Variants in PXDNL observed in about 807,000 individuals in gnomAD.
PXDNL encodes the protein probable oxidoreductase PXDNL.
In PXDNL, 145 loss-of-function variants were observed where a neutral mutation model predicts 150.8. That is an observed-to-expected ratio of 0.96 (90% confidence interval 0.84 to 1.10). The LOEUF (loss-of-function observed/expected upper bound fraction) is 1.10, where lower values mean the gene tolerates loss of function less well. Ranked by LOEUF, PXDNL falls within the 50% of genes least tolerant of loss-of-function variation. The pLI is 0.00. For synonymous variants in PXDNL, 757 were observed against 725.7 expected (o/e 1.04, Z -0.69); for missense variants, 2,087 against 1,873.9 (o/e 1.11, Z -2.10).
In PXDNL at chr8:51,409,206, C is replaced by T. The variant is rs1808546212; in HGVS notation, c.2418G>A (p.Trp806Ter). 6.3e-7 allele frequency: 1 copy of T among 1,584,214 alleles called. No homozygotes were observed. Among genetic ancestry groups the T allele is most frequent in the Non-Finnish European group, 8.5e-7 (1 of 1,170,354 alleles). The change falls in exon 17 of 23, where the codon TGG becomes TGA. Residue 806 changes from tryptophan to a stop codon, truncating the protein, a stop_gained. Transcript: ENST00000356297. LOFTEE classifies it high-confidence loss of function. ...CCAAGTCGTGCTCTAGAAACCAGCCCCAGTGCATGAGCATGCGCGTGTAGC... is the reference window on the plus strand; with the variant it reads ...CCAAGTCGTGCTCTAGAAACCAGCCTCAGTGCATGAGCATGCGCGTGTAGC... ...DHSYTRMLMH[W>*]GWFLEHDLDH...
At chr8:51,706,278 C>T (rs188975465) in intron 1 of PXDNL, among the ~76,000 whole-genome samples, 158 of 152,156 alleles carry the variant, frequency 1.0e-3, no homozygotes, top group African/African-American at 3.7e-3. Context: ...TGAGATCGTG[C>T]CACTGCACTC....
chr8:51,537,249 GC>G (rs377738209), intron 4 of PXDNL, among the ~76,000 whole-genome samples: 3 of 152,138 alleles, frequency 2.0e-5, no homozygotes, highest in African/African-American at 4.8e-5. Context: ...GGCAGGCAGT[GC>G]CCAGGTGATT....
chr8:51,451,622 G>A (rs979501829), intron 10 of PXDNL, among the ~76,000 whole-genome samples: 2 of 152,110 alleles, frequency 1.3e-5, no homozygotes, highest in African/African-American at 2.4e-5. Context: ...TCCACACTGT[G>A]ATTCATATCT....
At chr8:51,410,936 A>G (rs1225285965) in intron 16 of PXDNL, among the ~76,000 whole-genome samples, 1 of 152,196 alleles carries the variant, frequency 6.6e-6, no homozygotes, top group Non-Finnish European at 1.5e-5. Context: ...CCCTGGTAAT[A>G]AAGCATTTCT....
rs1815906039 is a variant in PXDNL at position 51,687,631 on chromosome 8, C to A, written c.165-32871G>T. Among the ~76,000 whole-genome samples, 3 of 152,212 alleles carry A rather than the reference C, an allele frequency of 2.0e-5. No homozygotes were observed. In the South Asian group the frequency reaches 6.2e-4, roughly 31 times the overall value. The stretch of plus-strand genomic sequence containing the variant: ...ACCCAACAGTTTTATTGGGTTCTTT[C>A]TGTGTGGCAGGCCAAGTGTAATCAC... On this transcript the variant is annotated intron_variant, in intron 1 of 22. Coordinates refer to ENST00000356297, the MANE Select transcript of PXDNL (RefSeq NM_144651.5).
At chr8:51,570,832 T>C (rs1289812410) in intron 3 of PXDNL, among the ~76,000 whole-genome samples, 1 of 151,886 alleles carries the variant, frequency 6.6e-6, no homozygotes, top group African/African-American at 2.4e-5. Context: ...TTCTTACTCA[T>C]AATTCAATAC....
chr8:51,626,867 G>A (rs570674341), intron 2 of PXDNL, among the ~76,000 whole-genome samples: 32 of 152,156 alleles, frequency 2.1e-4, no homozygotes, highest in Non-Finnish European at 3.5e-4. Context: ...GTGAGTGATG[G>A]CAGAAAGAAT....
At chr8:51,412,137 G>A (rs1411363216) in intron 15 of PXDNL, among the ~76,000 whole-genome samples, 2 of 152,152 alleles carry the variant, frequency 1.3e-5, no homozygotes, top group Non-Finnish European at 2.9e-5. Context: ...TAAAAGCACT[G>A]AGAATGTGAA....
At chr8:51,435,848 G>A (rs1809391747) in intron 12 of PXDNL, 3 of 456,674 alleles carry the variant, frequency 6.6e-6, no homozygotes, top group East Asian at 5.9e-5. Context: ...TGCAGGACTT[G>A]AGAATGTTGA....
chr8:51,496,511 G>C (rs966125619), intron 5 of PXDNL, among the ~76,000 whole-genome samples: 1 of 152,166 alleles, frequency 6.6e-6, no homozygotes, highest in African/African-American at 2.4e-5. Flanking sequence ...CAGATGACAT[G>C]ATTGTATATT....
At position 51,477,983 on chromosome 8, in the gene PXDNL, T is replaced by C. The variant is rs72638034; in HGVS notation, c.525-2842A>G. Among the ~76,000 whole-genome samples, 1,056 of 152,300 alleles carry C rather than the reference T, an allele frequency of 6.9e-3. 8 individuals are homozygous for C. Among genetic ancestry groups the C allele is most frequent in the Non-Finnish European group, 8.8e-3 (600 of 68,028 alleles). On this transcript the variant is annotated intron_variant, in intron 6 of 22. Coordinates refer to ENST00000356297, the MANE Select transcript of PXDNL (RefSeq NM_144651.5). ...CACTTGCCAGTCGAAAAACTCCTTT[T>C]ATGTTCAGAAAATAAAAGTATACTT...
At chr8:51,386,097 C>CT (rs372663749) in intron 17 of PXDNL, among the ~76,000 whole-genome samples, 17,724 of 146,374 alleles carry the variant, frequency 0.12, 1,300 homozygotes, top group Middle Eastern at 0.25. Flanking sequence ...GTGATTCATT[C>CT]TTTTTTTTTT....
chr8:51,807,312 C>T (rs531591102), intron 1 of PXDNL, among the ~76,000 whole-genome samples: 127 of 151,530 alleles, frequency 8.4e-4, no homozygotes, highest in African/African-American at 1.7e-3. Flanking sequence ...GGAAGAGAGA[C>T]GCAAGAAGAG....
At chr8:51,803,213 T>C (rs1053248092) in intron 1 of PXDNL, among the ~76,000 whole-genome samples, 55 of 152,302 alleles carry the variant, frequency 3.6e-4, no homozygotes, top group African/African-American at 1.3e-3. Flanking sequence ...AGGAGGTCTG[T>C]GTCCTGACTG....
rs529483357 is a variant in PXDNL at position 51,585,857 on chromosome 8, C to T, written c.308+6770G>A. Among the ~76,000 whole-genome samples the T allele has an allele frequency of 2.8e-3, 432 of 151,920 alleles. 3 individuals are homozygous for T. Among genetic ancestry groups the T allele is most frequent in the African/African-American group, 9.9e-3 (409 of 41,262 alleles). On this transcript the variant is annotated intron_variant, in intron 3 of 22. Transcript: ENST00000356297. ...TCCTTCCATCAAGACCAACCTGCCA[C>T]CCACCCCTTGTGGCTCTCCAGATAG...
chr8:51,717,148 T>G (rs1353910976), intron 1 of PXDNL, among the ~76,000 whole-genome samples: 1 of 152,178 alleles, frequency 6.6e-6, no homozygotes, highest in Non-Finnish European at 1.5e-5. Context: ...TCTTTACCAG[T>G]GGGAATGAGA....
chr8:51,586,639 C>CT (rs1158351243), intron 3 of PXDNL, among the ~76,000 whole-genome samples: 3 of 152,224 alleles, frequency 2.0e-5, no homozygotes, highest in African/African-American at 7.2e-5. Context: ...CAAAAAAAAT[C>CT]TTTTTATCTA....
intron 1 of PXDNL, among the ~76,000 whole-genome samples, chr8:51,698,115 G>A (rs1471732969): frequency 6.6e-6 from 1 of 152,184 alleles, no homozygotes; most frequent in Non-Finnish European, 1.5e-5. Context: ...ACTGATCAGG[G>A]TGGTAGTTGC....
At chr8:51,552,444 C>T (rs1048768376) in intron 4 of PXDNL, among the ~76,000 whole-genome samples, 1 of 152,048 alleles carries the variant, frequency 6.6e-6, no homozygotes, top group Non-Finnish European at 1.5e-5. Context: ...GCCCATCAAC[C>T]AACAAGTGGA....
Sources: allele counts gnomAD v4.1 joint callset (sites outside exome capture counted in the v4.1 genomes callset), GRCh38; gene constraint gnomAD v4.1.1; transcripts MANE v1.5; gene names NCBI Gene and HGNC (gene_info 2026-07-23, HGNC 2026-07-21).